The following RBFOX1 variants were observed in gnomAD, a reference collection of about 807,000 sequenced individuals.
RBFOX1 encodes the protein RNA binding protein fox-1 homolog 1.
A neutral mutation model predicts 57.7 loss-of-function variants in RBFOX1; 8 were observed. That is an observed-to-expected ratio of 0.14 (90% CI 0.08 to 0.25). The LOEUF is 0.25. Ranked by LOEUF, RBFOX1 falls within the 10% of genes least tolerant of loss-of-function variation. The pLI, the probability that RBFOX1 is intolerant of heterozygous loss-of-function variation, is 1.00. For synonymous variants in RBFOX1, 326 were observed against 222.4 expected (o/e 1.47, Z -4.15); for missense variants, 611 against 548.5 (o/e 1.11, Z -1.14).
At chr16:7,552,389 T>C (rs1204797413) in intron 5 of RBFOX1, among the ~76,000 whole-genome samples, 1 of 152,182 alleles carries the variant, frequency 6.6e-6, no homozygotes, top group African/African-American at 2.4e-5. Context: ...ACTTCAGCAC[T>C]GGAAGGTGAA....
chr16:7,234,562 C>G (rs1325282216), intron 4 of RBFOX1, among the ~76,000 whole-genome samples: 10 of 150,828 alleles, frequency 6.6e-5, no homozygotes, highest in Non-Finnish European at 1.5e-4. Context: ...ATGAAGTCTT[C>G]TGTTGCAAAT....
At chr16:6,794,757 T>G (rs1014074579) in intron 3 of RBFOX1, among the ~76,000 whole-genome samples, 17 of 152,262 alleles carry the variant, frequency 1.1e-4, no homozygotes, top group African/African-American at 4.1e-4. Flanking sequence ...AAATGTGTGG[T>G]TGATGTAGGG....
At chr16:6,685,824 C>T (rs1278802203) in intron 3 of RBFOX1, among the ~76,000 whole-genome samples, 1 of 152,064 alleles carries the variant, frequency 6.6e-6, no homozygotes, top group Non-Finnish European at 1.5e-5. Flanking sequence ...TTCATTATGT[C>T]ATGAAAGTGT....
At chr16:7,635,708 T>G (rs1046973399) in intron 11 of RBFOX1, among the ~76,000 whole-genome samples, 2 of 152,196 alleles carry the variant, frequency 1.3e-5, no homozygotes, top group African/African-American at 4.8e-5. Flanking sequence ...CTTTTAGATA[T>G]TTTCATCCAG....
At chr16:6,357,566 G>GCT (rs4036869) in intron 2 of RBFOX1, among the ~76,000 whole-genome samples, 163 of 150,404 alleles carry the variant, frequency 1.1e-3, no homozygotes, top group African/African-American at 3.1e-3. Context: ...TCTCTTGCTT[G>GCT]CTCTCTCTCT....
At chr16:6,676,140 GCGCACACACA>G (rs1475969120) in intron 3 of RBFOX1, among the ~76,000 whole-genome samples, 460 of 27,862 alleles carry the variant, frequency 0.017, 5 homozygotes, top group African/African-American at 0.03. Context: ...ACACACACAC[GCGCACACACA>G]CACACACACA....
intron 3 of RBFOX1, among the ~76,000 whole-genome samples, chr16:6,864,109 G>C (rs9923507): frequency 3.3e-5 from 5 of 151,062 alleles, no homozygotes; most frequent in Non-Finnish European, 7.4e-5. Context: ...TGACAAAGAA[G>C]AAAGCGAAGG....
chr16:6,897,621 A>T (rs890598075), intron 3 of RBFOX1, among the ~76,000 whole-genome samples: 1 of 152,058 alleles, frequency 6.6e-6, no homozygotes, highest in African/African-American at 2.4e-5. Flanking sequence ...GTGAAACCCC[A>T]TCTCTATTAA....
chr16:6,135,816 A>G (rs1005138192), intron 1 of RBFOX1, among the ~76,000 whole-genome samples: 4 of 107,434 alleles, frequency 3.7e-5, no homozygotes, highest in African/African-American at 7.7e-5. Context: ...TTTTTTTGAG[A>G]CACAGTCTTG....
intron 3 of RBFOX1, among the ~76,000 whole-genome samples, chr16:5,822,162 T>C (rs2055879846): frequency 6.6e-6 from 1 of 152,208 alleles, no homozygotes; most frequent in African/African-American, 2.4e-5. Flanking sequence ...AGACTATTAT[T>C]CTAAGTGAAG....
chr16:7,094,885 CTTTAATCA>C (rs201851769), intron 4 of RBFOX1, among the ~76,000 whole-genome samples: 1 of 151,942 alleles, frequency 6.6e-6, no homozygotes, highest in East Asian at 1.9e-4. Context: ...AACGTGTTCT[CTTTAATCA>C]CACAGACTTT....
At chr16:7,033,964 G>A (rs1198001860) in intron 3 of RBFOX1, among the ~76,000 whole-genome samples, 1 of 152,154 alleles carries the variant, frequency 6.6e-6, no homozygotes, top group Non-Finnish European at 1.5e-5. Context: ...GCAAGACCCT[G>A]TCTAAAATGT....
intron 2 of RBFOX1, among the ~76,000 whole-genome samples, chr16:6,632,152 T>C (rs1414187739): frequency 6.6e-6 from 1 of 152,150 alleles, no homozygotes; most frequent in Admixed American, 6.5e-5. Context: ...TGCATCTCTG[T>C]GATCCTTCAC....
intron 8 of RBFOX1, among the ~76,000 whole-genome samples, chr16:7,596,126 GAAAAAAAAACAA>G (rs1479018454): frequency 3.8e-5 from 4 of 106,130 alleles, no homozygotes; most frequent in East Asian, 3.0e-4. Context: ...GTTTTTTGTG[GAAAAAAAAACAA>G]AAAAAAAAAC....
intron 4 of RBFOX1, among the ~76,000 whole-genome samples, chr16:7,447,328 G>C (rs529120735): frequency 1.3e-4 from 19 of 151,690 alleles, no homozygotes; most frequent in Admixed American, 7.9e-4. Flanking sequence ...AGCTACTTGG[G>C]AGGCTGAGGC....
At chr16:6,200,831 C>G (rs1444441453) in intron 1 of RBFOX1, among the ~76,000 whole-genome samples, 1 of 151,866 alleles carries the variant, frequency 6.6e-6, no homozygotes, top group Non-Finnish European at 1.5e-5. Context: ...GGAACACATG[C>G]TGTGAATTGA....
chr16:6,790,168 T>TGTATTATTATTATTA (rs1567254659), intron 3 of RBFOX1, among the ~76,000 whole-genome samples: 1 of 68,582 alleles, frequency 1.5e-5, no homozygotes, highest in African/African-American at 7.7e-5. Context: ...TTTATTTTAT[T>TGTATTATTATTATTA]CTATTATTAT....
chr16:5,618,385 T>C (rs1048939460), intron 3 of RBFOX1, among the ~76,000 whole-genome samples: 1 of 152,106 alleles, frequency 6.6e-6, no homozygotes, highest in Non-Finnish European at 1.5e-5. Context: ...TCACCCAGGC[T>C]GCAGTGCAGT....
chr16:7,352,350 G>C (rs918573680), intron 4 of RBFOX1, among the ~76,000 whole-genome samples: 3 of 152,182 alleles, frequency 2.0e-5, no homozygotes, highest in Non-Finnish European at 4.4e-5. Context: ...AAGTCGGAGA[G>C]AACTGAAGCT....
Sources: allele counts gnomAD v4.1 joint callset (sites outside exome capture counted in the v4.1 genomes callset), GRCh38; gene constraint gnomAD v4.1.1; transcripts MANE v1.5; gene names NCBI Gene and HGNC (gene_info 2026-07-23, HGNC 2026-07-21).